The following RELCH variants were observed in gnomAD, a reference collection of about 807,000 sequenced individuals.
RELCH encodes RAB11-binding protein RELCH.
Under a neutral mutation model 150.3 loss-of-function variants are expected in RELCH, and 41 were observed. The ratio of observed to expected loss-of-function variants is 0.27; its 90% CI spans 0.21 to 0.35. The LOEUF is 0.35. Ranked by LOEUF, RELCH falls within the 10% of genes least tolerant of loss-of-function variation. The pLI is 1.00. For missense variants in RELCH, 1,092 were observed against 1,467.8 expected (o/e 0.74, Z 4.18); for synonymous variants, 478 against 531.8 (o/e 0.90, Z 1.39).
intron 1 of RELCH, among the ~76,000 whole-genome samples, chr18:62,196,586 T>G (rs1314705618): frequency 1.3e-5 from 2 of 152,224 alleles, no homozygotes; most frequent in African/African-American, 4.8e-5. Context: ...AATTAGACTT[T>G]CCACTATTCT....
In RELCH at chr18:62,227,349, C is replaced by G. The variant is rs1459056582; in HGVS notation, c.919C>G (p.Leu307Val). 6.2e-7 allele frequency: 1 copy of G among 1,612,030 alleles called. No individual in the cohort carries two copies. Residue 307 changes from leucine to valine, a missense_variant, in exon 6 of 29, where the codon CTC becomes GTC. By Grantham distance (32) the Leu-to-Val change is conservative. Around this residue, in one of 4 missense-constraint regions of RELCH, gnomAD observed 190 missense variants for 276.2 expected, o/e 0.69. Transcript: ENST00000644646. Reference protein sequence around the residue: ...NIPKPPDLLQLYRDFGNHQVT... With the variant: ...NIPKPPDLLQVYRDFGNHQVT... ...TCCAAAACCTCCAGACTTATTGCAA[C>G]TCTACCGGGATTTTGGAAATCATCA...
At chr18:62,191,338 C>G (rs2038618943) in intron 1 of RELCH, among the ~76,000 whole-genome samples, 1 of 152,284 alleles carries the variant, frequency 6.6e-6, no homozygotes, top group Non-Finnish European at 1.5e-5. Context: ...TTCTATTTCC[C>G]TGATGACTAA....
intron 20 of RELCH, among the ~76,000 whole-genome samples, chr18:62,273,515 T>C (rs924968309): frequency 6.6e-6 from 1 of 152,104 alleles, no homozygotes; most frequent in Non-Finnish European, 1.5e-5. Context: ...GGAACAAAAA[T>C]TCGTAAGGTA....
intron 1 of RELCH, among the ~76,000 whole-genome samples, chr18:62,188,366 T>C (rs553589415): frequency 5.3e-5 from 8 of 152,300 alleles, no homozygotes; most frequent in Non-Finnish European, 1.0e-4. Context: ...AGCATTTTCC[T>C]TTTTCTCCAG....
intron 9 of RELCH, among the ~76,000 whole-genome samples, chr18:62,231,782 CTG>C (rs1235097679): frequency 7.1e-6 from 1 of 141,284 alleles, no homozygotes; most frequent in Non-Finnish European, 1.5e-5. Flanking sequence ...TCTTGCTGTT[CTG>C]TGTTTCATTT....
chr18:62,216,229 T>C (rs1214892296), intron 2 of RELCH, among the ~76,000 whole-genome samples: 1 of 152,136 alleles, frequency 6.6e-6, no homozygotes, highest in Admixed American at 6.6e-5. Context: ...GTTAGGTTTC[T>C]ATGTAGACAT....
rs14745 is a variant in RELCH, at chr18:62,306,940, C to G, written c.*1406C>G. ...AGTTTATAAAACAATTTGCCATAGG[C>G]AAAGCCATTTAAAAAGTTCATTCTG... is the stretch of plus-strand genomic sequence containing the variant. On this transcript the variant is annotated 3_prime_UTR_variant, in exon 29 of 29. Transcript: ENST00000644646. The G allele has an allele frequency of 6.5e-6, 1 of 152,702 alleles. No homozygotes were observed. The highest frequency in any genetic ancestry group is 2.4e-5 in the African/African-American group (1 of 41,566). 9.5% of individuals were successfully genotyped at this position (152,702 alleles called of 1,614,324 possible). A position where few individuals can be genotyped will look rare whatever the true frequency, so the allele number is the denominator to read the frequency against.
chr18:62,196,226 TTTTC>T (rs974484034), intron 1 of RELCH, among the ~76,000 whole-genome samples: 1 of 150,420 alleles, frequency 6.6e-6, no homozygotes, highest in African/African-American at 2.4e-5. Flanking sequence ...GCAATTTTTC[TTTTC>T]TTTTCTTTTC....
intron 1 of RELCH, among the ~76,000 whole-genome samples, chr18:62,193,378 T>C (rs1468965444): frequency 6.6e-6 from 1 of 152,172 alleles, no homozygotes; most frequent in East Asian, 1.9e-4. Context: ...GCATGATCCC[T>C]GGCCAGAACT....
intron 15 of RELCH, among the ~76,000 whole-genome samples, chr18:62,260,045 G>T (rs979404383): frequency 5.3e-5 from 8 of 151,602 alleles, no homozygotes; most frequent in South Asian, 2.1e-4. Context: ...TAGACAAATG[G>T]GATTATATTA....
Position 62,219,943 on chromosome 18 carries a change from C to T in RELCH, c.617-1094C>T, listed in dbSNP as rs149833890. Reference sequence around the variant, plus strand: ...AAAAAATTGCATCTTTAAGATGAAACCTTCAGTTCCAGTTTTTATGCAGAA... The same window carrying T: ...AAAAAATTGCATCTTTAAGATGAAATCTTCAGTTCCAGTTTTTATGCAGAA... On this transcript the variant is annotated intron_variant, in intron 2 of 28. Coordinates refer to ENST00000644646, the MANE Select transcript of RELCH (RefSeq NM_001346231.2). Among the ~76,000 whole-genome samples, 317 of 152,038 alleles carry T rather than the reference C, an allele frequency of 2.1e-3. 4 individuals are homozygous for T. The highest frequency in any genetic ancestry group is 7.4e-3 in the African/African-American group (307 of 41,504).
intron 21 of RELCH, among the ~76,000 whole-genome samples, 174 bp from the exon 22 acceptor site, chr18:62,275,200 C>G (rs1159373747): frequency 6.6e-6 from 1 of 152,210 alleles, no homozygotes; most frequent in Admixed American, 6.5e-5. Context: ...CAGGCGTGAG[C>G]CACTGCGCCT....
In RELCH at chr18:62,278,826, A is replaced by T. The variant is rs915034573; in HGVS notation, c.2968-948A>T. On this transcript the variant is annotated intron_variant, in intron 22 of 28. Coordinates refer to ENST00000644646, the MANE Select transcript of RELCH (RefSeq NM_001346231.2). ...ATTGTTTTGTGATTAGATTATAGAGATCTAGTTCTACTCATCTTTTTTATT... is the reference window on the plus strand; with the variant it reads ...ATTGTTTTGTGATTAGATTATAGAGTTCTAGTTCTACTCATCTTTTTTATT... 1.3e-5 allele frequency among the ~76,000 whole-genome samples: 2 copies of T among 152,162 alleles called. 1 individual carries two copies. The highest frequency in any genetic ancestry group is 4.1e-4 in the South Asian group (2 of 4,836).
intron 10 of RELCH, among the ~76,000 whole-genome samples, chr18:62,239,549 T>A (rs1415186849): frequency 6.6e-6 from 1 of 152,044 alleles, no homozygotes; most frequent in Non-Finnish European, 1.5e-5. Flanking sequence ...ACTGATATTT[T>A]ACCTAAAAAT....
At chr18:62,204,320 C>T (rs2039645100) in intron 1 of RELCH, among the ~76,000 whole-genome samples, 1 of 151,852 alleles carries the variant, frequency 6.6e-6, no homozygotes, top group Non-Finnish European at 1.5e-5. Context: ...CCAGGAACTT[C>T]ATTTTATTTT....
chr18:62,240,374 A>G (rs186590696), intron 10 of RELCH, among the ~76,000 whole-genome samples: 18 of 150,106 alleles, frequency 1.2e-4, no homozygotes, highest in African/African-American at 2.4e-5. Context: ...AAAGATTACC[A>G]TTGACTCAAA....
intron 27 of RELCH, among the ~76,000 whole-genome samples, chr18:62,294,604 A>G (rs1309814490): frequency 6.6e-6 from 1 of 152,160 alleles, no homozygotes; most frequent in Non-Finnish European, 1.5e-5. Context: ...TTTATGTTTT[A>G]TGAATATCTG....
intron 1 of RELCH, among the ~76,000 whole-genome samples, chr18:62,195,370 C>G (rs939519001): frequency 1.3e-5 from 2 of 151,286 alleles, no homozygotes; most frequent in Admixed American, 6.6e-5. Flanking sequence ...ACTTTGTTTT[C>G]TAGTTACATT....
chr18:62,187,674 C>G lies in RELCH; in HGVS notation c.169C>G (p.Pro57Ala). Residue 57 changes from proline (P) to alanine (A), a missense_variant, in exon 1 of 29, where the codon CCA becomes GCA. Around this residue, in one of 4 missense-constraint regions of RELCH, gnomAD observed 138 missense variants for 124.8 expected, o/e 1.11. Coordinates refer to ENST00000644646, the MANE Select transcript of RELCH (RefSeq NM_001346231.2). ...LDPGSAGSLS[P>A]QDPVALGSSA... ...TCCTGGCTCTGCGGGCTCGCTGTCG[C>G]CACAGGATCCCGTGGCCTTAGGAAG... is the stretch of plus-strand genomic sequence containing the variant. 1 of 1,574,080 alleles carries G rather than the reference C, an allele frequency of 6.4e-7. No homozygotes were observed. Among genetic ancestry groups the G allele is most frequent in the Non-Finnish European group, 8.6e-7 (1 of 1,156,372 alleles).
Sources: gnomAD v4.1 joint callset for allele counts (sites outside exome capture counted in the v4.1 genomes callset) on GRCh38, gnomAD v4.1.1 for gene constraint, gnomAD v4.1.1 regional missense constraint, MANE v1.5 for transcripts, NCBI Gene and HGNC (gene_info 2026-07-23, HGNC 2026-07-21) for gene names.